The following ANAPC1 variants were observed in gnomAD, a reference collection of about 807,000 sequenced individuals.
ANAPC1 encodes anaphase promoting complex subunit 1.
ANAPC1 carries 36 observed loss-of-function variants against 208.0 expected under a neutral mutation model. The observed-to-expected ratio is 0.17, with a 90% CI of 0.13 to 0.23. The LOEUF (loss-of-function observed/expected upper bound fraction) is 0.23. ANAPC1 is among the 10% of genes least tolerant of loss of function. ANAPC1 has a pLI of 1.00. For missense variants in ANAPC1, 942 were observed against 2,011.6 expected, an observed-to-expected ratio of 0.47 and a Z score of 10.17; for synonymous variants, 378 against 695.2, an observed-to-expected ratio of 0.54 and a Z score of 7.18.
chr2:111,772,665 T>C (rs1304916391), intron 46 of ANAPC1, among the ~76,000 whole-genome samples, 190 bp from the exon 47 acceptor site: 9 of 151,208 alleles, frequency 6.0e-5, no homozygotes, highest in Non-Finnish European at 1.0e-4. Context: ...TAGAGTGTTG[T>C]TGGGGGAGAC....
chr2:111,847,090 T>C, intron 16 of ANAPC1, 48 bp downstream of exon 16: 1 of 1,428,482 alleles, frequency 7.0e-7, no homozygotes, highest in South Asian at 1.2e-5. Context: ...ATTATTAATG[T>C]AAATCACAAT....
Position 111,856,648 on chromosome 2 carries a change from C to T in ANAPC1, c.1481G>A (p.Ser494Asn), listed in dbSNP as rs1177005065. ...TCCTGTGTATAGCACCAGGTTTCCA[C>T]TGCCTTCCAAGACCAGCATGGTGTC... ...KIDTMLVLEG[S>N]GNLVLYTGVV... The change falls in exon 13 of 48, where the codon AGT (serine) becomes AAT (asparagine). Residue 494 changes from serine to asparagine, a missense_variant. By Grantham distance (46) the Ser-to-Asn change is conservative. Transcript: ENST00000341068. The T allele has an allele frequency of 6.2e-7, 1 of 1,613,850 alleles. No homozygotes were observed. Among genetic ancestry groups the T allele is most frequent in the Non-Finnish European group, 8.5e-7 (1 of 1,179,870 alleles).
intron 10 of ANAPC1, among the ~76,000 whole-genome samples, chr2:111,861,238 G>C (rs1682047899): frequency 3.3e-5 from 5 of 152,218 alleles, no homozygotes. Context: ...ATCATGCCTG[G>C]CTAATTTTTG....
rs569511199 is a variant in ANAPC1 at position 111,833,413 on chromosome 2, T to C, written c.2385-102A>G. ...GAATCTTTTAATTTAAAAACTTACATATGAGAAAGATAACCAAATCTAGAG... is the reference window on the plus strand; with the variant it reads ...GAATCTTTTAATTTAAAAACTTACACATGAGAAAGATAACCAAATCTAGAG... On this transcript the variant is annotated intron_variant, in intron 19 of 47. Transcript: ENST00000341068. 28 of 1,344,114 alleles carry C rather than the reference T, an allele frequency of 2.1e-5. No homozygotes were observed. In the African/African-American group the frequency reaches 3.9e-4, roughly 19 times the overall value. 83.3% of individuals were successfully genotyped at this position (1,344,114 alleles called of 1,614,324 possible). A position where few individuals can be genotyped will look rare whatever the true frequency, so the allele number is the denominator to read the frequency against.
At chr2:111,849,035 C>A (rs1393590348) in intron 14 of ANAPC1, among the ~76,000 whole-genome samples, 1 of 152,204 alleles carries the variant, frequency 6.6e-6, no homozygotes, top group East Asian at 1.9e-4. Context: ...GACCACTGAT[C>A]CTTTTTGATT....
At chr2:111,871,459 T>C (rs1014298220) in intron 6 of ANAPC1, among the ~76,000 whole-genome samples, 11 of 152,232 alleles carry the variant, frequency 7.2e-5, no homozygotes, top group Admixed American at 4.6e-4. Context: ...ATAAAAGGGA[T>C]TGAATTTTTG....
At position 111,863,739 on chromosome 2, in the gene ANAPC1, G is replaced by A. The variant is rs868008388; in HGVS notation, c.988C>T (p.Arg330Cys). The A allele has an allele frequency of 5.6e-6, 9 of 1,613,788 alleles. No homozygotes were observed. The highest frequency in any genetic ancestry group is 1.6e-4 in the Middle Eastern group (1 of 6,078). The change falls in exon 9 of 48, where the codon CGC becomes TGC. Residue 330 changes from arginine (R) to cysteine (C), a missense_variant. Physicochemically the swap from Arg to Cys is radical, Grantham distance 180 (BLOSUM62 -3). Transcript: ENST00000341068. ...TGTAGACTGGGTGATGAGGTTGAGCGACTCTGGCTGTGAATGGAGGAGTAA... is the reference window on the plus strand; with the variant it reads ...TGTAGACTGGGTGATGAGGTTGAGCAACTCTGGCTGTGAATGGAGGAGTAA... The part of the protein sequence containing the change: ...QNYSSIHSQS[R>C]STSSPSLHSR...
chr2:111,779,166 G>A, intron 44 of ANAPC1: 1 of 178,604 alleles, frequency 5.6e-6, no homozygotes, highest in Non-Finnish European at 1.2e-5. Context: ...GTCCAGCTGG[G>A]GTTAAGGGTG....
At chr2:111,772,317 G>A in intron 47 of ANAPC1, 24 bp downstream of exon 47, 2 of 1,613,604 alleles carry the variant, frequency 1.2e-6, no homozygotes, top group Non-Finnish European at 1.7e-6. Flanking sequence ...AGTTACTGAA[G>A]ATAAGACTTA....
chr2:111,831,073 A>C (rs1316047318), intron 21 of ANAPC1, among the ~76,000 whole-genome samples: 3 of 152,248 alleles, frequency 2.0e-5, no homozygotes, highest in Non-Finnish European at 2.9e-5. Context: ...AACTGTCGAT[A>C]CAGGAAACAA....
intron 39 of ANAPC1, 138 bp downstream of exon 39, chr2:111,788,096 T>C: frequency 2.3e-6 from 3 of 1,311,384 alleles, no homozygotes; most frequent in Non-Finnish European, 3.2e-6. Context: ...TCTTAAAAGA[T>C]TTAGCCAGGA....
At chr2:111,845,564 G>C (rs1573448590) in intron 16 of ANAPC1, among the ~76,000 whole-genome samples, 1 of 152,082 alleles carries the variant, frequency 6.6e-6, no homozygotes, top group East Asian at 1.9e-4. Context: ...CTTCTGTTTG[G>C]CTATAAAGGG....
intron 18 of ANAPC1, among the ~76,000 whole-genome samples, chr2:111,838,085 CA>C (rs57089465): frequency 4.2e-4 from 43 of 103,408 alleles, no homozygotes; most frequent in Admixed American, 5.8e-4. Flanking sequence ...TACTCCGTCT[CA>C]AAAAAAAAAA....
chr2:111,868,095 C>A lies in ANAPC1; in HGVS notation c.613G>T (p.Glu205Ter). ...ATGCTGAACATAGTAGGTAAAGGTT[C>A]TCTAGCAATAAACAAATAATCAATT... ...SHEVPPGSPR[E>*]PLPTMFSMLH... is the part of the protein sequence containing the mutation. Residue 205 changes from glutamate (E) to a stop codon, truncating the protein, a stop_gained and splice_region_variant, in exon 7 of 48, where the codon GAA becomes TAA. Coordinates refer to ENST00000341068, the MANE Select transcript of ANAPC1 (RefSeq NM_022662.4). LOFTEE classifies it high-confidence loss of function. 6.3e-7 allele frequency: 1 copy of A among 1,583,042 alleles called. No individual in the cohort carries two copies. Among genetic ancestry groups the A allele is most frequent in the Non-Finnish European group, 8.6e-7 (1 of 1,165,356 alleles).
intron 3 of ANAPC1, 54 bp downstream of exon 3, chr2:111,878,756 T>G: frequency 6.2e-7 from 1 of 1,600,160 alleles, no homozygotes; most frequent in East Asian, 2.2e-5. Flanking sequence ...AAACAAAACT[T>G]TTTTTTAATT....
At chr2:111,786,029 GTT>G (rs1156567849) in intron 39 of ANAPC1, among the ~76,000 whole-genome samples, 1 of 151,760 alleles carries the variant, frequency 6.6e-6, no homozygotes, top group East Asian at 1.9e-4. Context: ...TTCTCAAACA[GTT>G]TTTTAAACTT....
intron 16 of ANAPC1, among the ~76,000 whole-genome samples, chr2:111,845,447 A>G (rs1365489115): frequency 6.6e-6 from 1 of 152,100 alleles, no homozygotes; most frequent in Non-Finnish European, 1.5e-5. Flanking sequence ...CCAAATAACC[A>G]AGTATGTCAT....
intron 17 of ANAPC1, 87 bp from the exon 18 acceptor site, chr2:111,838,599 G>C: frequency 1.8e-6 from 2 of 1,139,896 alleles, no homozygotes; most frequent in Admixed American, 2.6e-5. Flanking sequence ...AATCAGTTCT[G>C]CCAATTACGA....
chr2:111,878,832 G>A lies in ANAPC1; in HGVS notation c.353C>T (p.Thr118Ile). The A allele has an allele frequency of 1.2e-6, 2 of 1,602,026 alleles. No homozygotes were observed. The highest frequency in any genetic ancestry group is 1.1e-5 in the South Asian group (1 of 88,648). ...CACCTGCTGAACAGGACTGTCAACT[G>A]TAAATGCTTTATAAACTGCCAATGC... is the stretch of plus-strand genomic sequence containing the variant. ...SQALAVYKAF[T>I]VDSPVQQALW... The change falls in exon 3 of 48, where the codon ACA (threonine) becomes ATA (isoleucine). Residue 118 changes from threonine (T) to isoleucine (I), a missense_variant. Physicochemically the swap from Thr to Ile is moderately conservative, Grantham distance 89. Transcript: ENST00000341068.
Sources: allele counts gnomAD v4.1 joint callset (sites outside exome capture counted in the v4.1 genomes callset), GRCh38; gene constraint gnomAD v4.1.1; transcripts MANE v1.5; gene names NCBI Gene and HGNC (gene_info 2026-07-23, HGNC 2026-07-21).